The following ANKFN1 variants were observed in gnomAD, a reference collection of about 807,000 sequenced individuals.
ANKFN1 encodes ankyrin repeat and fibronectin type III domain containing 1.
A neutral mutation model predicts 108.7 loss-of-function variants in ANKFN1; 74 were observed. The ratio of observed to expected loss-of-function variants is 0.68; its 90% CI spans 0.56 to 0.83. ANKFN1 has a LOEUF of 0.83. Among genes scored for constraint, ANKFN1 ranks in the 40% least tolerant of loss-of-function variants. The pLI is 0.00. For synonymous variants in ANKFN1, 547 were observed against 516.2 expected (o/e 1.06, Z -0.81); for missense variants, 1,505 against 1,382.3 (o/e 1.09, Z -1.41).
chr17:56,133,195 CT>C (rs986385599), intron 4 of ANKFN1, among the ~76,000 whole-genome samples: 2 of 152,138 alleles, frequency 1.3e-5, no homozygotes, highest in Non-Finnish European at 2.9e-5. Flanking sequence ...TGTATATATC[CT>C]TGAGTTGGCT....
Position 56,366,478 on chromosome 17 carries a change from G to A in ANKFN1, c.602-6168G>A, listed in dbSNP as rs916329614. ...TGCAGCAGTGTCAGTAATGTCCTAC[G>A]TCCTCACATTCACTCACCACTCACT... On this transcript the variant is annotated intron_variant, in intron 6 of 20. Coordinates refer to ENST00000682825, the MANE Select transcript of ANKFN1 (RefSeq NM_001370326.1). 7.2e-5 allele frequency among the ~76,000 whole-genome samples: 11 copies of A among 152,086 alleles called. No homozygotes were observed. The East Asian group carries it at 9.6e-4, about 13-fold the overall frequency.
chr17:56,193,579 T>C (rs1034390990), intron 1 of ANKFN1, among the ~76,000 whole-genome samples: 6 of 150,754 alleles, frequency 4.0e-5, no homozygotes, highest in African/African-American at 1.5e-4. Flanking sequence ...TTGTAGCGTT[T>C]TAAAAAAAAA....
intron 8 of ANKFN1, among the ~76,000 whole-genome samples, chr17:56,425,883 T>C: frequency 6.6e-6 from 1 of 152,208 alleles, no homozygotes; most frequent in Admixed American, 6.5e-5. Context: ...GTCTGTAGGA[T>C]AAGATTTGAG....
At chr17:56,467,992 G>C (rs1018877379) in intron 15 of ANKFN1, among the ~76,000 whole-genome samples, 1 of 152,064 alleles carries the variant, frequency 6.6e-6, no homozygotes, top group Non-Finnish European at 1.5e-5. Flanking sequence ...TCCTTGCAGG[G>C]ACCCTAGCAG....
chr17:56,378,231 G>T (rs1405259204), intron 8 of ANKFN1, among the ~76,000 whole-genome samples: 1 of 152,120 alleles, frequency 6.6e-6, no homozygotes, highest in Non-Finnish European at 1.5e-5. Context: ...AAAATTCCAG[G>T]GCGGTGTATG....
intron 8 of ANKFN1, among the ~76,000 whole-genome samples, chr17:56,420,332 G>A (rs1461440905): frequency 6.6e-6 from 1 of 152,158 alleles, no homozygotes; most frequent in African/African-American, 2.4e-5. Flanking sequence ...GGCCACACCA[G>A]TCTTGTGATT....
Position 56,374,633 on chromosome 17 carries a change from A to G in ANKFN1, c.829A>G (p.Met277Val), listed in dbSNP as rs1259716996. The stretch of plus-strand genomic sequence containing the variant: ...TGAGATGCCAACCAATGTCTGTCTC[A>G]TGGTAACCAGCAGCACATCACTCAC... The part of the protein sequence containing the change: ...APEMPTNVCL[M>V]VTSSTSLTVS... The change falls in exon 8 of 21, where the codon ATG becomes GTG. Residue 277 changes from methionine (M) to valine (V), a missense_variant. Met to Val is a conservative substitution (Grantham distance 21). Coordinates refer to ENST00000682825, the MANE Select transcript of ANKFN1 (RefSeq NM_001370326.1). The G allele has an allele frequency of 2.5e-6, 4 of 1,613,784 alleles. No homozygotes were observed. In the African/African-American group the frequency reaches 5.3e-5, roughly 22 times the overall value.
intron 4 of ANKFN1, among the ~76,000 whole-genome samples, chr17:56,071,037 T>A (rs1376521809): frequency 6.6e-6 from 1 of 152,082 alleles, no homozygotes; most frequent in Non-Finnish European, 1.5e-5. Context: ...CCTTGTCTCT[T>A]TTGCATTTTT....
chr17:56,103,790 T>C (rs1905692574), intron 4 of ANKFN1, among the ~76,000 whole-genome samples: 1 of 152,200 alleles, frequency 6.6e-6, no homozygotes, highest in South Asian at 2.1e-4. Context: ...TAGAGGGTTA[T>C]GTACAGAGTT....
Position 56,513,044 on chromosome 17 carries a change from C to G in ANKFN1, c.*1775C>G, listed in dbSNP as rs1165164620. 6.6e-6 allele frequency among the ~76,000 whole-genome samples: 1 copy of G among 152,206 alleles called. No individual in the cohort carries two copies. Among genetic ancestry groups the G allele is most frequent in the Non-Finnish European group, 1.5e-5 (1 of 68,044 alleles). ...AACTAGACGGGCCCATAAAATTTAT[C>G]TAAGTCCGTGGGTTTGCAGGTAGGG... On this transcript the variant is annotated 3_prime_UTR_variant, in exon 21 of 21. Coordinates refer to ENST00000682825, the MANE Select transcript of ANKFN1 (RefSeq NM_001370326.1).
At chr17:56,465,074 A>G (rs2050030148) in intron 14 of ANKFN1, among the ~76,000 whole-genome samples, 1 of 152,138 alleles carries the variant, frequency 6.6e-6, no homozygotes, top group Admixed American at 6.5e-5. Flanking sequence ...ATATGCTACA[A>G]ATCAGGGCTT....
intron 1 of ANKFN1, among the ~76,000 whole-genome samples, chr17:56,209,578 G>A (rs904759259): frequency 5.9e-5 from 9 of 152,322 alleles, no homozygotes; most frequent in African/African-American, 2.2e-4. Flanking sequence ...ATCTGAAACA[G>A]AGTCTCCTAA....
chr17:56,147,978 A>G (rs529616112), intron 4 of ANKFN1, among the ~76,000 whole-genome samples: 1 of 152,312 alleles, frequency 6.6e-6, no homozygotes, highest in East Asian at 1.9e-4. Context: ...TTGAATCTTC[A>G]TAAGTGCTCT....
At chr17:56,121,935 T>C (rs1949234456) in intron 4 of ANKFN1, among the ~76,000 whole-genome samples, 1 of 152,174 alleles carries the variant, frequency 6.6e-6, no homozygotes, top group African/African-American at 2.4e-5. Flanking sequence ...GCTGGGGTTT[T>C]AGGGTAGCAG....
chr17:56,397,738 T>C (rs2047628222), intron 8 of ANKFN1, among the ~76,000 whole-genome samples: 1 of 152,086 alleles, frequency 6.6e-6, no homozygotes, highest in African/African-American at 2.4e-5. Flanking sequence ...AGAACCACGG[T>C]CTTCACTAAG....
chr17:56,418,446 A>T (rs1045612385), intron 8 of ANKFN1, among the ~76,000 whole-genome samples: 3 of 152,216 alleles, frequency 2.0e-5, no homozygotes, highest in African/African-American at 7.2e-5. Flanking sequence ...CAGAGTGAAG[A>T]AAAGAGTAAA....
intron 13 of ANKFN1, 69 bp downstream of exon 13, chr17:56,457,458 A>T (rs959224439): frequency 6.8e-7 from 1 of 1,467,918 alleles, no homozygotes; most frequent in African/African-American, 1.4e-5. Flanking sequence ...TCTCTGAAAC[A>T]TTAGTTGAGG....
intron 4 of ANKFN1, among the ~76,000 whole-genome samples, chr17:56,135,030 A>G (rs9896871): frequency 0.024 from 3,590 of 152,246 alleles, 129 homozygotes; most frequent in African/African-American, 0.082. Context: ...TCAGGCCAGA[A>G]AGTAGAACTT....
intron 11 of ANKFN1, among the ~76,000 whole-genome samples, chr17:56,449,467 T>A (rs1285963924): frequency 6.6e-6 from 1 of 152,068 alleles, no homozygotes; most frequent in Non-Finnish European, 1.5e-5. Context: ...CTCTCGGAAT[T>A]GTCCCTTCAC....
Sources: allele counts gnomAD v4.1 joint callset (sites outside exome capture counted in the v4.1 genomes callset), GRCh38; gene constraint gnomAD v4.1.1; transcripts MANE v1.5; gene names NCBI Gene and HGNC (gene_info 2026-07-23, HGNC 2026-07-21).